The following HOXC6 variants were observed in gnomAD, a reference collection of about 807,000 sequenced individuals.
HOXC6 encodes homeobox protein Hox-C6.
A neutral mutation model predicts 24.0 loss-of-function variants in HOXC6; 10 were observed. That is an observed-to-expected ratio of 0.42 (90% CI 0.26 to 0.71). HOXC6 has a LOEUF of 0.71. Among genes scored for constraint, HOXC6 ranks in the 30% least tolerant of loss-of-function variants. HOXC6 has a pLI of 0.28. For missense variants in HOXC6, 258 were observed against 303.4 expected, an observed-to-expected ratio of 0.85 and a Z score of 1.11; for synonymous variants, 123 against 128.1, an observed-to-expected ratio of 0.96 and a Z score of 0.27.
In HOXC6 at chr12:54,019,156, C is replaced by A. The variant is rs1338111354; in HGVS notation, c.-193+1742C>A. The stretch of plus-strand genomic sequence containing the variant: ...GGTATTCTCCCGCGGGAAGAAATGG[C>A]ATTTTCTCTCCCCCTCCCCCACCCC... On this transcript the variant is annotated intron_variant, in intron 1 of 2. Coordinates refer to the HOXC6 transcript ENST00000394331. Among the ~76,000 whole-genome samples the A allele has an allele frequency of 2.7e-5, 4 of 147,226 alleles. No individual in the cohort carries two copies. The Admixed American group carries it at 2.7e-4, about 10-fold the overall frequency.
chr12:54,017,673 C>T (rs989624943), intron 1 of HOXC6, among the ~76,000 whole-genome samples: 1 of 152,014 alleles, frequency 6.6e-6, no homozygotes, highest in African/African-American at 2.4e-5. Context: ...GGGAACAGCA[C>T]CTGTGGGGCT....
At chr12:54,019,021 T>A (rs939370037) in intron 1 of HOXC6, among the ~76,000 whole-genome samples, 1 of 152,126 alleles carries the variant, frequency 6.6e-6, no homozygotes, top group Non-Finnish European at 1.5e-5. Flanking sequence ...ATCAAACCGT[T>A]TGGGCCAGAG....
At chr12:54,025,513 G>C (rs1429799307), upstream of HOXC6, among the ~76,000 whole-genome samples, 1 of 114,866 alleles carries the variant, frequency 8.7e-6, no homozygotes, top group Non-Finnish European at 1.8e-5. Context: ...CTTTCCTCAG[G>C]AATGAAAGGT....
In HOXC6 at chr12:54,030,269, C is replaced by A. The variant is rs1339275102; in HGVS notation, c.*307C>A. The stretch of plus-strand genomic sequence containing the variant: ...CTGAACTCAGACTCTACAGATTGCC[C>A]TCCAAGTGAGGACTTGGCTCCCCCA... On this transcript the variant is annotated 3_prime_UTR_variant, in exon 2 of 2. Transcript: ENST00000243108. 9.4e-6 allele frequency: 2 copies of A among 213,624 alleles called. No individual in the cohort carries two copies. The highest frequency in any genetic ancestry group is 1.9e-5 in the Non-Finnish European group (2 of 107,496). The allele number at this position is 213,624 out of a possible 1,614,324, so 13.2% of individuals were successfully genotyped here.
intron 1 of HOXC6, 36 bp from the exon 2 acceptor site, chr12:54,029,619 G>A (rs1306676034): frequency 1.3e-6 from 2 of 1,593,016 alleles, no homozygotes; most frequent in Non-Finnish European, 1.7e-6. Flanking sequence ...ACGCTTTGCT[G>A]ATTGCTTTTA....
intron 1 of HOXC6, among the ~76,000 whole-genome samples, chr12:54,019,186 C>T (rs1285204647): frequency 7.2e-6 from 1 of 138,104 alleles, no homozygotes; most frequent in Non-Finnish European, 1.6e-5. Context: ...CACCCCCCCA[C>T]CCCCAGTAGG....
upstream of HOXC6, among the ~76,000 whole-genome samples, chr12:54,026,621 G>A (rs1344780960): frequency 6.6e-6 from 1 of 152,094 alleles, no homozygotes; most frequent in East Asian, 1.9e-4. Flanking sequence ...GGAGGATTGG[G>A]GCTGTATTTT....
rs1565741448 is a variant in HOXC6, at chr12:54,028,833, T to G, written c.312T>G (p.Phe104Leu). The change falls in exon 1 of 2, where the codon TTT becomes TTG. Residue 104 changes from phenylalanine (F) to leucine (L), a missense_variant. Physicochemically the swap from Phe to Leu is conservative, Grantham distance 22. Transcript: ENST00000243108. Reference protein sequence around the residue: ...HNTQTSIAQDFSSEQGRTAPQ... With the variant: ...HNTQTSIAQDLSSEQGRTAPQ... ...CACAGACCTCAATCGCTCAGGATTT[T>G]AGTTCTGAGCAGGGCAGGACTGCGC... 1 of 1,614,150 alleles carries G rather than the reference T, an allele frequency of 6.2e-7. No homozygotes were observed. Among genetic ancestry groups the G allele is most frequent in the East Asian group, 2.2e-5 (1 of 44,888 alleles).
At chr12:54,027,259 G>C (rs1431751162), upstream of HOXC6, among the ~76,000 whole-genome samples, 2 of 152,162 alleles carry the variant, frequency 1.3e-5, no homozygotes, top group African/African-American at 2.4e-5. Flanking sequence ...CGGGTGACTG[G>C]CACTTGGGTG....
At chr12:54,022,387 C>A (rs904846591) in intron 1 of HOXC6, 2 of 152,166 alleles carry the variant, frequency 1.3e-5, no homozygotes, top group African/African-American at 4.8e-5. Flanking sequence ...TGTCTCCAAT[C>A]CTGCCAGGTG....
intron 1 of HOXC6, among the ~76,000 whole-genome samples, chr12:54,019,499 C>T (rs527654115): frequency 2.6e-5 from 4 of 152,260 alleles, no homozygotes; most frequent in Non-Finnish European, 5.9e-5. Context: ...AATCGCCGAC[C>T]GGTGAGGCCT....
intron 1 of HOXC6, among the ~76,000 whole-genome samples, chr12:54,023,333 A>G (rs1407310002): frequency 2.6e-5 from 4 of 152,224 alleles, no homozygotes; most frequent in Non-Finnish European, 4.4e-5. Flanking sequence ...ACAAATGCCA[A>G]TGTGAGAGTT....
At chr12:54,025,240 CTGA>C (rs1310060338), upstream of HOXC6, among the ~76,000 whole-genome samples, 1 of 152,106 alleles carries the variant, frequency 6.6e-6, no homozygotes, top group African/African-American at 2.4e-5. Flanking sequence ...CTTGCTTCTG[CTGA>C]TGAGTTTCCA....
At chr12:54,017,824 G>A (rs1940224512) in intron 1 of HOXC6, among the ~76,000 whole-genome samples, 1 of 152,332 alleles carries the variant, frequency 6.6e-6, no homozygotes, top group African/African-American at 2.4e-5. Flanking sequence ...AGAGAACTTA[G>A]AGGCTGTGCC....
At chr12:54,025,535 G>A (rs983361942), upstream of HOXC6, among the ~76,000 whole-genome samples, 1 of 103,384 alleles carries the variant, frequency 9.7e-6, no homozygotes, top group African/African-American at 4.5e-5. Context: ...ATTGGGGGGG[G>A]GGGAGGTGTT....
intron 1 of HOXC6, among the ~76,000 whole-genome samples, chr12:54,018,287 C>T (rs1421708676): frequency 6.6e-6 from 1 of 152,236 alleles, no homozygotes; most frequent in African/African-American, 2.4e-5. Context: ...GGGATGCCCA[C>T]TGGACCGGGA....
At chr12:54,018,671 T>C (rs1161252819) in intron 1 of HOXC6, among the ~76,000 whole-genome samples, 1 of 152,200 alleles carries the variant, frequency 6.6e-6, no homozygotes, top group Non-Finnish European at 1.5e-5. Context: ...GGTCCGAGGC[T>C]CCGAGGCGGC....
chr12:54,025,603 T>A (rs1190802104), upstream of HOXC6, among the ~76,000 whole-genome samples: 3 of 151,916 alleles, frequency 2.0e-5, no homozygotes, highest in Admixed American at 6.6e-5. Context: ...GTATTTCTGT[T>A]TCCCCTTCTC....
upstream of HOXC6, among the ~76,000 whole-genome samples, chr12:54,026,943 C>T (rs534114681): frequency 4.3e-5 from 6 of 140,402 alleles, no homozygotes; most frequent in South Asian, 6.7e-4. Context: ...CTTTCCCCCC[C>T]CCCAACCCAC....
Sources: gnomAD v4.1 joint callset for allele counts (sites outside exome capture counted in the v4.1 genomes callset) on GRCh38, gnomAD v4.1.1 for gene constraint, MANE v1.5 for transcripts, NCBI Gene and HGNC (gene_info 2026-07-23, HGNC 2026-07-21) for gene names.